Variants in PCDH7 observed in about 807,000 individuals in gnomAD.
PCDH7 encodes the protein protocadherin 7.
Under a neutral mutation model 58.9 loss-of-function variants are expected in PCDH7, and 17 were observed. The observed-to-expected ratio is 0.29, with a 90% CI of 0.20 to 0.43. PCDH7 has a LOEUF of 0.43. PCDH7 is among the 20% of genes least tolerant of loss of function. The pLI, the probability that PCDH7 is intolerant of heterozygous loss-of-function variation, is 1.00. For missense variants in PCDH7, 1,274 were observed against 1,441.0 expected (o/e 0.88, Z 1.88); for synonymous variants, 664 against 616.4 (o/e 1.08, Z -1.14).
intron 1 of PCDH7, among the ~76,000 whole-genome samples, chr4:30,908,094 G>A (rs185659867): frequency 7.8e-4 from 118 of 152,060 alleles, no homozygotes; most frequent in Middle Eastern, 3.4e-3. Flanking sequence ...CACCAGGGCC[G>A]GTTCGGGGGT....
At position 30,722,389 on chromosome 4, in the gene PCDH7, C is replaced by G. The variant is rs771095550; in HGVS notation, c.967C>G (p.Pro323Ala). ...GGCCGACTTGGCTGAGAACAGCGCCCCGGGGACCCCCATCCTGCAACTGCG... is the reference window on the plus strand; with the variant it reads ...GGCCGACTTGGCTGAGAACAGCGCCGCGGGGACCCCCATCCTGCAACTGCG... Residue 323 changes from proline to alanine, a missense_variant, in exon 1 of 2, where the codon CCG (proline) becomes GCG (alanine). By Grantham distance (27) the Pro-to-Ala change is conservative. Transcript: ENST00000361762. The surrounding 1 kb of genome is among the most constrained non-coding windows in gnomAD (Gnocchi z 7.6). 1 of 1,612,574 alleles carries G rather than the reference C, an allele frequency of 6.2e-7. No homozygotes were observed.
chr4:30,766,581 G>A (rs1720779246), intron 1 of PCDH7, among the ~76,000 whole-genome samples: 2 of 151,826 alleles, frequency 1.3e-5, no homozygotes, highest in Admixed American at 6.6e-5. Flanking sequence ...TGAGATACTG[G>A]TGTATTTATA....
At chr4:30,940,202 TA>T (rs1745859253) in intron 2 of PCDH7, among the ~76,000 whole-genome samples, 1 of 152,078 alleles carries the variant, frequency 6.6e-6, no homozygotes, top group Admixed American at 6.6e-5. Context: ...AATTAGGTTT[TA>T]AAAAGTATTG....
intron 3 of PCDH7, among the ~76,000 whole-genome samples, chr4:31,120,100 T>C (rs1186448291): frequency 6.6e-6 from 1 of 152,100 alleles, no homozygotes; most frequent in East Asian, 1.9e-4. Flanking sequence ...TCCTGCCCTG[T>C]TCGTGTCTGA....
intron 3 of PCDH7, among the ~76,000 whole-genome samples, chr4:31,019,531 C>A (rs1381440184): frequency 6.6e-6 from 1 of 151,940 alleles, no homozygotes; most frequent in African/African-American, 2.4e-5. Flanking sequence ...CCCGTCTCTA[C>A]TAAAAATACC....
chr4:31,042,926 C>G (rs1237770365), intron 3 of PCDH7, among the ~76,000 whole-genome samples: 1 of 151,992 alleles, frequency 6.6e-6, no homozygotes, highest in African/African-American at 2.4e-5. Flanking sequence ...TGGTGAGGGG[C>G]CTTTTGCTGG....
intron 1 of PCDH7, among the ~76,000 whole-genome samples, chr4:30,743,297 A>G (rs1717321189): frequency 6.6e-6 from 1 of 152,200 alleles, no homozygotes; most frequent in African/African-American, 2.4e-5. Flanking sequence ...ATATTATTTT[A>G]TCACTCTGCG....
At chr4:30,913,654 A>T (rs1742061311) in intron 1 of PCDH7, among the ~76,000 whole-genome samples, 1 of 152,178 alleles carries the variant, frequency 6.6e-6, no homozygotes, top group African/African-American at 2.4e-5. Context: ...AATGAATCAA[A>T]TGCTCACGTC....
intron 1 of PCDH7, among the ~76,000 whole-genome samples, chr4:30,802,964 G>A (rs554789367): frequency 3.8e-4 from 58 of 152,226 alleles, no homozygotes; most frequent in African/African-American, 1.3e-3. Flanking sequence ...GATTGGCAAG[G>A]CAGCTGCGAG....
intron 3 of PCDH7, among the ~76,000 whole-genome samples, chr4:31,051,009 G>C (rs1293913014): frequency 6.6e-6 from 1 of 152,052 alleles, no homozygotes; most frequent in Non-Finnish European, 1.5e-5. Flanking sequence ...AATCTTAATC[G>C]CTTAGTTCAC....
At chr4:30,809,839 A>AAC (rs564075750) in intron 1 of PCDH7, among the ~76,000 whole-genome samples, 5 of 152,256 alleles carry the variant, frequency 3.3e-5, no homozygotes, top group African/African-American at 9.6e-5. Context: ...TATTATATGT[A>AAC]ACACATATTG....
At chr4:30,749,381 T>A (rs2109256481) in intron 1 of PCDH7, among the ~76,000 whole-genome samples, 1 of 152,228 alleles carries the variant, frequency 6.6e-6, no homozygotes, top group African/African-American at 2.4e-5. Context: ...CGGTGCAAGT[T>A]TTTTTCTTCG....
chr4:30,728,114 T>A (rs1300296377), intron 1 of PCDH7, among the ~76,000 whole-genome samples: 2 of 151,756 alleles, frequency 1.3e-5, no homozygotes, highest in African/African-American at 4.8e-5. Context: ...AGTGATCGAA[T>A]TATGTTCAAT....
intron 1 of PCDH7, among the ~76,000 whole-genome samples, chr4:30,823,599 T>C (rs1009930455): frequency 2.0e-5 from 3 of 152,126 alleles, no homozygotes; most frequent in African/African-American, 7.2e-5. Context: ...TACAGGGGTC[T>C]TTGATAGCGA....
At chr4:31,140,654 A>C (rs2109347366) in intron 3 of PCDH7, among the ~76,000 whole-genome samples, 1 of 151,952 alleles carries the variant, frequency 6.6e-6, no homozygotes, top group African/African-American at 2.4e-5. Context: ...AAAATAGGAA[A>C]TATTCTCAAA....
chr4:30,914,714 T>C (rs1035047912), intron 1 of PCDH7, among the ~76,000 whole-genome samples: 2 of 152,218 alleles, frequency 1.3e-5, no homozygotes, highest in African/African-American at 4.8e-5. Flanking sequence ...CTACCGTTTA[T>C]AGTATATGTC....
At chr4:31,071,948 C>G (rs1409371653) in intron 3 of PCDH7, among the ~76,000 whole-genome samples, 1 of 152,046 alleles carries the variant, frequency 6.6e-6, no homozygotes, top group African/African-American at 2.4e-5. Flanking sequence ...GTATAAATAA[C>G]TACTCTTATA....
intron 1 of PCDH7, among the ~76,000 whole-genome samples, chr4:30,804,028 C>A (rs939334803): frequency 6.6e-6 from 1 of 152,174 alleles, no homozygotes; most frequent in Non-Finnish European, 1.5e-5. Flanking sequence ...CAGGACAGAA[C>A]CCTCATGGCC....
chr4:30,724,010 A>G, exon 1 of PCDH7: 1 of 1,614,190 alleles, frequency 6.2e-7, no homozygotes. Context: ...CCACTCACCC[A>G]GGATATAGCT....
Sources: allele counts gnomAD v4.1 joint callset (sites outside exome capture counted in the v4.1 genomes callset), GRCh38; gene constraint gnomAD v4.1.1; non-coding constraint Gnocchi (gnomAD v3.1); transcripts MANE v1.5; gene names NCBI Gene and HGNC (gene_info 2026-07-23, HGNC 2026-07-21).